The following TXLNB variants were observed in gnomAD, a reference collection of about 807,000 sequenced individuals.
TXLNB encodes beta-taxilin.
TXLNB carries 37 observed loss-of-function variants against 57.4 expected under a neutral mutation model. The ratio of observed to expected loss-of-function variants is 0.64; its 90% confidence interval spans 0.50 to 0.85. The LOEUF (loss-of-function observed/expected upper bound fraction) is 0.85. Among genes scored for constraint, TXLNB ranks in the 40% least tolerant of loss-of-function variants. The pLI is 0.00. For missense variants in TXLNB, 848 were observed against 825.6 expected, an observed-to-expected ratio of 1.03 and a Z score of -0.33; for synonymous variants, 302 against 309.6, an observed-to-expected ratio of 0.98 and a Z score of 0.26.
intron 7 of TXLNB, among the ~76,000 whole-genome samples, chr6:139,253,533 A>G (rs1056938963): frequency 1.3e-5 from 2 of 152,088 alleles, no homozygotes; most frequent in Non-Finnish European, 2.9e-5. Context: ...ATAGAGGTTT[A>G]GGTGGGTTAC....
chr6:139,164,965 C>T, the TXLNB span, among the ~76,000 whole-genome samples: 22 of 152,306 alleles, frequency 1.4e-4, 1 homozygote, highest in South Asian at 4.6e-3. Flanking sequence ...TATTACACAG[C>T]TTCTTTTGTA....
the TXLNB span, among the ~76,000 whole-genome samples, chr6:139,207,253 T>C: frequency 2.0e-5 from 3 of 152,210 alleles, no homozygotes; most frequent in African/African-American, 7.2e-5. Context: ...TCTTAATACA[T>C]TTAAGAAAGT....
At chr6:139,178,339 G>A in the TXLNB span, 4 of 152,134 alleles carry the variant, frequency 2.6e-5, no homozygotes, top group Middle Eastern at 3.4e-3. Flanking sequence ...ATAGACTGAC[G>A]TCGCATACCC....
chr6:139,265,607 G>A (rs1776596850), intron 4 of TXLNB, among the ~76,000 whole-genome samples: 1 of 152,220 alleles, frequency 6.6e-6, no homozygotes, highest in Admixed American at 6.5e-5. Flanking sequence ...CACTTAAGGT[G>A]TTTCACTAGT....
At chr6:139,189,285 T>C in the TXLNB span, among the ~76,000 whole-genome samples, 1 of 152,248 alleles carries the variant, frequency 6.6e-6, no homozygotes, top group South Asian at 2.1e-4. Flanking sequence ...TGGATTTGCA[T>C]TAGTTGAAAG....
At chr6:139,186,131 C>A in the TXLNB span, among the ~76,000 whole-genome samples, 1 of 152,066 alleles carries the variant, frequency 6.6e-6, no homozygotes, top group African/African-American at 2.4e-5. Flanking sequence ...AATTTGATAT[C>A]CATATGCAAA....
intron 1 of TXLNB, among the ~76,000 whole-genome samples, chr6:139,290,956 G>T (rs1216674577): frequency 6.6e-6 from 1 of 152,208 alleles, no homozygotes; most frequent in East Asian, 1.9e-4. Context: ...CCACTGACTT[G>T]TGATGCTCAC....
the TXLNB span, among the ~76,000 whole-genome samples, chr6:139,307,994 GCGAGA>G: frequency 3.3e-5 from 2 of 59,870 alleles, no homozygotes; most frequent in Non-Finnish European, 8.1e-5. Context: ...TCTTCTGCAT[GCGAGA>G]TTTCAGAACC....
At chr6:139,318,051 C>T in the TXLNB span, among the ~76,000 whole-genome samples, 4 of 151,600 alleles carry the variant, frequency 2.6e-5, no homozygotes, top group Non-Finnish European at 4.4e-5. Context: ...AGATGGATCA[C>T]GAGGTCAGGA....
intron 8 of TXLNB, among the ~76,000 whole-genome samples, chr6:139,246,926 A>T (rs1016490023): frequency 4.6e-5 from 7 of 152,016 alleles, no homozygotes; most frequent in African/African-American, 1.7e-4. Context: ...AAAAAAAAAA[A>T]AAAATTAGAT....
At chr6:139,172,838 G>A in the TXLNB span, among the ~76,000 whole-genome samples, 1 of 152,210 alleles carries the variant, frequency 6.6e-6, no homozygotes, top group African/African-American at 2.4e-5. Context: ...TGTCTATTCT[G>A]TAATGCTGCT....
In TXLNB at chr6:139,262,821, T is replaced by C. The variant is rs113038078; in HGVS notation, c.688-48A>G. 2.8e-3 allele frequency: 4,367 copies of C among 1,583,112 alleles called. 110 individuals are homozygous for C. The African/African-American group carries it at 0.052, about 19-fold the overall frequency. On this transcript the variant is annotated intron_variant, in intron 4 of 9. Coordinates refer to ENST00000358430, the MANE Select transcript of TXLNB (RefSeq NM_153235.4). Reference sequence around the variant, plus strand: ...TTTGTTTAAATGCACCCCGGGTTTATAGAACTCAGCATTAGGTCACCTAAA... The same window carrying C: ...TTTGTTTAAATGCACCCCGGGTTTACAGAACTCAGCATTAGGTCACCTAAA...
intron 2 of TXLNB, 106 bp downstream of exon 2, chr6:139,288,370 A>G: frequency 9.3e-7 from 1 of 1,075,966 alleles, no homozygotes; most frequent in East Asian, 2.4e-5. Flanking sequence ...GAAGGCTACT[A>G]CAGTCATCCA....
chr6:139,248,758 C>A (rs1018400793), intron 7 of TXLNB, among the ~76,000 whole-genome samples: 7 of 152,036 alleles, frequency 4.6e-5, no homozygotes, highest in African/African-American at 1.7e-4. Context: ...ATCATGTGAG[C>A]CACATGTTTA....
chr6:139,275,740 G>T (rs1384386229), intron 3 of TXLNB, among the ~76,000 whole-genome samples: 1 of 152,110 alleles, frequency 6.6e-6, no homozygotes, highest in Admixed American at 6.5e-5. Flanking sequence ...CCATCAACAG[G>T]GATGAAGAGT....
the TXLNB span, among the ~76,000 whole-genome samples, chr6:139,300,637 G>A: frequency 4.6e-5 from 7 of 152,148 alleles, no homozygotes; most frequent in Admixed American, 6.5e-5. Flanking sequence ...GGTGGCTCAC[G>A]CCTGTAATCC....
At chr6:139,179,492 A>G in the TXLNB span, 1 of 152,174 alleles carries the variant, frequency 6.6e-6, no homozygotes, top group Admixed American at 6.5e-5. Context: ...AATTGGGTAA[A>G]GTTTACTCTT....
At chr6:139,164,805 G>GC in the TXLNB span, among the ~76,000 whole-genome samples, 16 of 55,488 alleles carry the variant, frequency 2.9e-4, no homozygotes, top group Middle Eastern at 0.01. Context: ...GCCCCCCACC[G>GC]CTCATACAAC....
the TXLNB span, among the ~76,000 whole-genome samples, chr6:139,217,618 T>C: frequency 2.6e-5 from 4 of 152,004 alleles, no homozygotes; most frequent in Non-Finnish European, 5.9e-5. Context: ...CCTGTAATCC[T>C]GGCACTTTGG....
Sources: gnomAD v4.1 joint callset for allele counts (sites outside exome capture counted in the v4.1 genomes callset) on GRCh38, gnomAD v4.1.1 for gene constraint, MANE v1.5 for transcripts, NCBI Gene and HGNC (gene_info 2026-07-23, HGNC 2026-07-21) for gene names.